HMBOX1: variants seen among roughly 807,000 people sequenced by gnomAD.
The protein encoded by HMBOX1 is homeobox containing 1.
HMBOX1 carries 14 observed loss-of-function variants against 54.5 expected under a neutral mutation model. That is an observed-to-expected ratio of 0.26 (90% CI 0.17 to 0.40). The LOEUF (loss-of-function observed/expected upper bound fraction) is 0.40. Ranked by LOEUF, HMBOX1 falls within the 10% of genes least tolerant of loss-of-function variation. The pLI is 1.00. For missense variants in HMBOX1, 332 were observed against 514.4 expected (o/e 0.65, Z 3.43); for synonymous variants, 160 against 181.0 (o/e 0.88, Z 0.93).
intron 2 of HMBOX1, among the ~76,000 whole-genome samples, chr8:28,967,727 A>C (rs1211378815): frequency 6.6e-6 from 1 of 152,210 alleles, no homozygotes; most frequent in Non-Finnish European, 1.5e-5. Flanking sequence ...TTTATGTTTA[A>C]TTTTTTTCAT....
intron 2 of HMBOX1, among the ~76,000 whole-genome samples, chr8:28,965,304 T>G: frequency 6.6e-6 from 1 of 152,112 alleles, no homozygotes; most frequent in East Asian, 2.0e-4. Context: ...TGTACTTGGA[T>G]TTTTGTCACA....
At position 28,978,026 on chromosome 8, in the gene HMBOX1, C is replaced by A. The variant is rs553149935; in HGVS notation, c.501-2045C>A. ...GGAAGAATCTAACCAGAATCTAGAT[C>A]AGTATGAGAAATTTTACTGCATTAG... On this transcript the variant is annotated intron_variant, in intron 3 of 9. Transcript: ENST00000287701. Among the ~76,000 whole-genome samples, 19 of 151,948 alleles carry A rather than the reference C, an allele frequency of 1.3e-4. No homozygotes were observed. In the South Asian group the frequency reaches 3.9e-3, roughly 32 times the overall value.
intron 1 of HMBOX1, among the ~76,000 whole-genome samples, chr8:28,944,852 T>C (rs1376041085): frequency 6.6e-6 from 1 of 152,198 alleles, no homozygotes; most frequent in African/African-American, 2.4e-5. Flanking sequence ...TTAGAGGCAC[T>C]GTAAAAAACT....
At chr8:28,935,428 G>A (rs1401611681) in intron 1 of HMBOX1, among the ~76,000 whole-genome samples, 1 of 152,112 alleles carries the variant, frequency 6.6e-6, no homozygotes, top group African/African-American at 2.4e-5. Context: ...ATTAATTTTT[G>A]GCGAATATGC....
intron 6 of HMBOX1, among the ~76,000 whole-genome samples, chr8:29,035,454 C>T (rs1803703561): frequency 6.6e-6 from 1 of 152,166 alleles, no homozygotes; most frequent in Admixed American, 6.5e-5. Flanking sequence ...CTTTGGTAAA[C>T]CTACCTCCTA....
chr8:28,988,765 T>C lies in HMBOX1; in HGVS notation c.586+8609T>C, dbSNP rs1251094022. Among the ~76,000 whole-genome samples, 7 of 152,248 alleles carry C rather than the reference T, an allele frequency of 4.6e-5. 1 individual carries two copies. The highest frequency in any genetic ancestry group is 4.6e-4 in the Admixed American group (7 of 15,286). On this transcript the variant is annotated intron_variant, in intron 4 of 9. Coordinates refer to ENST00000287701, the MANE Select transcript of HMBOX1 (RefSeq NM_001135726.3). ...TGTCTGTCAAATCTTTTGTCTATTTTTTTTAATCAGGTTGTTTGCCTTATT... is the reference window on the plus strand; with the variant it reads ...TGTCTGTCAAATCTTTTGTCTATTTCTTTTAATCAGGTTGTTTGCCTTATT...
At chr8:28,912,410 A>G (rs1459216595) in intron 1 of HMBOX1, among the ~76,000 whole-genome samples, 8 of 152,138 alleles carry the variant, frequency 5.3e-5, no homozygotes, top group Admixed American at 5.2e-4. Flanking sequence ...TCCCATCCAG[A>G]TTCTGCCATG....
At chr8:28,939,972 T>C (rs943660630) in intron 1 of HMBOX1, among the ~76,000 whole-genome samples, 1 of 152,200 alleles carries the variant, frequency 6.6e-6, no homozygotes, top group African/African-American at 2.4e-5. Flanking sequence ...TCTTTGTCTA[T>C]ATAATGTCTG....
At chr8:28,954,821 TG>T (rs1205452109) in intron 1 of HMBOX1, among the ~76,000 whole-genome samples, 1 of 152,188 alleles carries the variant, frequency 6.6e-6, no homozygotes, top group African/African-American at 2.4e-5. Flanking sequence ...AGAAGGACTT[TG>T]GGGTGGGAGA....
rs14118 is a variant in HMBOX1 at position 29,051,730 on chromosome 8, G to A, written c.*575G>A. 4.6e-6 allele frequency: 3 copies of A among 656,162 alleles called. No individual in the cohort carries two copies. The highest frequency in any genetic ancestry group is 8.5e-6 in the Non-Finnish European group (3 of 354,808). 40.6% of individuals were successfully genotyped at this position (656,162 alleles called of 1,614,324 possible). On this transcript the variant is annotated 3_prime_UTR_variant, in exon 10 of 10. Coordinates refer to ENST00000287701, the MANE Select transcript of HMBOX1 (RefSeq NM_001135726.3). ...GTGGCTAGATTATACTTCTTTGGGT[G>A]CTGTGCTAAGAATGTCAATGGAAAA...
chr8:28,923,873 G>T (rs1044429511), intron 1 of HMBOX1, among the ~76,000 whole-genome samples: 3 of 151,896 alleles, frequency 2.0e-5, no homozygotes, highest in African/African-American at 7.3e-5. Context: ...ATGTCCTTGG[G>T]TATCTTTTCA....
At chr8:29,036,957 C>T (rs192998708) in intron 6 of HMBOX1, among the ~76,000 whole-genome samples, 2 of 152,300 alleles carry the variant, frequency 1.3e-5, no homozygotes, top group Non-Finnish European at 2.9e-5. Context: ...CTGTGTTATG[C>T]GATTCCATAG....
intron 4 of HMBOX1, among the ~76,000 whole-genome samples, chr8:28,981,289 T>G (rs151280720): frequency 7.1e-4 from 108 of 152,338 alleles, no homozygotes; most frequent in African/African-American, 2.5e-3. Context: ...TAAAATACTT[T>G]AGTTAAAGGT....
Position 28,970,385 on chromosome 8 carries a change from T to C in HMBOX1, c.366T>C (p.Asn122=), listed in dbSNP as rs2132347876. 1.2e-6 allele frequency: 2 copies of C among 1,614,162 alleles called. No individual in the cohort carries two copies. Among genetic ancestry groups the C allele is most frequent in the East Asian group, 2.2e-5 (1 of 44,880 alleles). ...CTTNQNGREN[N]ERLSTSNGKM... is the part of the protein sequence containing the mutation. ...CCAATCAAAATGGGAGGGAGAATAA[T>C]GAGCGATTATCTACATCCAATGGAA... is the stretch of plus-strand genomic sequence containing the variant. The change falls in exon 3 of 10, where the codon AAT becomes AAC. Residue 122 remains asparagine (N), a synonymous_variant. Coordinates refer to ENST00000287701, the MANE Select transcript of HMBOX1 (RefSeq NM_001135726.3). The surrounding 1 kb of genome is among the most constrained non-coding windows in gnomAD (Gnocchi z 4.3).
chr8:28,982,720 G>A (rs1829568209), intron 4 of HMBOX1, among the ~76,000 whole-genome samples: 1 of 151,968 alleles, frequency 6.6e-6, no homozygotes, highest in Admixed American at 6.6e-5. Context: ...CCGCCTCCTG[G>A]GTTCAAGCGA....
At chr8:28,986,235 A>G (rs916719575) in intron 4 of HMBOX1, among the ~76,000 whole-genome samples, 30 of 150,298 alleles carry the variant, frequency 2.0e-4, no homozygotes, top group African/African-American at 7.1e-4. Flanking sequence ...CTCTCTCTTC[A>G]TGGTTTGATA....
At chr8:28,940,489 G>C (rs1330415810) in intron 1 of HMBOX1, among the ~76,000 whole-genome samples, 14 of 152,178 alleles carry the variant, frequency 9.2e-5, no homozygotes. Flanking sequence ...TGTTATTTAT[G>C]TAATGACTCT....
chr8:28,997,963 T>C (rs1161658203), intron 4 of HMBOX1, among the ~76,000 whole-genome samples: 2 of 152,184 alleles, frequency 1.3e-5, no homozygotes, highest in African/African-American at 4.8e-5. Flanking sequence ...GAAGAGTTTG[T>C]GAAGAGTTGT....
intron 1 of HMBOX1, among the ~76,000 whole-genome samples, chr8:28,939,330 T>A (rs1278339463): frequency 6.6e-6 from 1 of 151,548 alleles, no homozygotes; most frequent in Non-Finnish European, 1.5e-5. Flanking sequence ...AAACATGATA[T>A]CACCCTCTAG....
Sources: gnomAD v4.1 joint callset for allele counts (sites outside exome capture counted in the v4.1 genomes callset) on GRCh38, gnomAD v4.1.1 for gene constraint, Gnocchi (gnomAD v3.1) non-coding constraint, MANE v1.5 for transcripts, NCBI Gene and HGNC (gene_info 2026-07-23, HGNC 2026-07-21) for gene names.